Variants in RNF34 observed in about 807,000 individuals in gnomAD.
RNF34 encodes the protein ring finger protein 34, also known as E3 ubiquitin-protein ligase RNF34.
A neutral mutation model predicts 37.9 loss-of-function variants in RNF34; 12 were observed. The observed-to-expected ratio is 0.32, with a 90% confidence interval of 0.20 to 0.51. The LOEUF (loss-of-function observed/expected upper bound fraction) is 0.51. Ranked by LOEUF, RNF34 falls within the 20% of genes least tolerant of loss-of-function variation. The pLI is 0.97. For missense variants in RNF34, 362 were observed against 472.7 expected (o/e 0.77, Z 2.17); for synonymous variants, 155 against 177.2 (o/e 0.87, Z 1.00).
At chr12:121,418,098 T>A in intron 3 of RNF34, 187 bp downstream of exon 3, 1 of 648,480 alleles carries the variant, frequency 1.5e-6, no homozygotes, top group Non-Finnish European at 2.6e-6. Flanking sequence ...AGGTGCTAGG[T>A]GGCTCCAAAG....
At chr12:121,420,404 C>T (rs1872022352) in intron 4 of RNF34, 70 bp downstream of exon 4, 1 of 1,553,012 alleles carries the variant, frequency 6.4e-7, no homozygotes, top group Admixed American at 2.0e-5. Context: ...GCCCTGTGGA[C>T]ATTCGCTAGA....
intron 4 of RNF34, 35 bp from the exon 5 acceptor site, chr12:121,420,542 T>C (rs201673963): frequency 8.4e-5 from 135 of 1,608,230 alleles, no homozygotes; most frequent in Admixed American, 2.2e-4. Flanking sequence ...TCTGGACTTA[T>C]GGGACCAGGG....
chr12:121,416,250 C>A lies in RNF34; in HGVS notation c.98C>A (p.Ala33Glu). The change falls in exon 2 of 6, where the codon GCA becomes GAA. Residue 33 changes from alanine to glutamate, a missense_variant. Transcript: ENST00000361234. ...GTCAGGGGCCAGCAGTCAGCATTTG[C>A]AGGAGCCACCGGTCCATTCAGATTT... ...GAVRGQQSAF[A>E]GATGPFRFTP... The A allele has an allele frequency of 1.9e-6, 3 of 1,614,128 alleles. No individual in the cohort carries two copies. The highest frequency in any genetic ancestry group is 2.5e-6 in the Non-Finnish European group (3 of 1,180,004).
In RNF34 at chr12:121,416,163, G is replaced by C. The variant is rs1555282162; in HGVS notation, c.11G>C (p.Gly4Ala). The change falls in exon 2 of 6, where the codon GGT (glycine) becomes GCT (alanine). Residue 4 changes from glycine to alanine, a missense_variant. By Grantham distance (60) the Gly-to-Ala change is moderately conservative. Transcript: ENST00000361234. Reference sequence around the variant, plus strand: ...GGGATTTGTGTTCCTTTTTAGGCGGGTGCCACGTCTATGTGGGCTTCGTGC... The same window carrying C: ...GGGATTTGTGTTCCTTTTTAGGCGGCTGCCACGTCTATGTGGGCTTCGTGC... MKA[G>A]ATSMWASCCG... is the part of the protein sequence containing the mutation. 1 of 1,613,720 alleles carries C rather than the reference G, an allele frequency of 6.2e-7. No individual in the cohort carries two copies. Among genetic ancestry groups the C allele is most frequent in the Non-Finnish European group, 8.5e-7 (1 of 1,179,778 alleles).
Position 121,416,237 on chromosome 12 carries a change from C to G in RNF34, c.85C>G (p.Gln29Glu). The G allele has an allele frequency of 6.2e-7, 1 of 1,614,098 alleles. No homozygotes were observed. Among genetic ancestry groups the G allele is most frequent in the Non-Finnish European group, 8.5e-7 (1 of 1,180,012 alleles). ...GGGAACTGGAGCTGTCAGGGGCCAG[C>G]AGTCAGCATTTGCAGGAGCCACCGG... ...VMGTGAVRGQ[Q>E]SAFAGATGPF... is the part of the protein sequence containing the mutation. Residue 29 changes from glutamine to glutamate, a missense_variant, in exon 2 of 6, where the codon CAG (glutamine) becomes GAG (glutamate). By Grantham distance (29) the Gln-to-Glu change is conservative. Coordinates refer to ENST00000361234, the MANE Select transcript of RNF34 (RefSeq NM_025126.4).
chr12:121,421,489 T>TTG (rs1566236283), intron 5 of RNF34, among the ~76,000 whole-genome samples: 1 of 149,026 alleles, frequency 6.7e-6, no homozygotes, highest in African/African-American at 2.5e-5. Flanking sequence ...CAGGGAGCCG[T>TTG]GGTCATGCCA....
chr12:121,415,073 G>A (rs1555281939), intron 1 of RNF34, among the ~76,000 whole-genome samples: 2 of 146,546 alleles, frequency 1.4e-5, no homozygotes, highest in African/African-American at 4.9e-5. Context: ...TCCAGCCTGG[G>A]CAACAAGAGT....
rs906524366 is a variant in RNF34 at position 121,423,838 on chromosome 12, G to A, written c.*262G>A. 5 of 405,912 alleles carry A rather than the reference G, an allele frequency of 1.2e-5. No homozygotes were observed. The highest frequency in any genetic ancestry group is 4.4e-5 in the East Asian group (1 of 22,574). 25.1% of individuals were successfully genotyped at this position (405,912 alleles called of 1,614,324 possible). ...CGTGAACACTCATTGAAGTCAGCCTGTTTGCGCCATGTGGGCATCAGCCAC... is the reference window on the plus strand; with the variant it reads ...CGTGAACACTCATTGAAGTCAGCCTATTTGCGCCATGTGGGCATCAGCCAC... On this transcript the variant is annotated 3_prime_UTR_variant, in exon 6 of 6. Transcript: ENST00000361234. This position sits in a 1 kb window ranked among gnomAD's most constrained non-coding sequence, Gnocchi z 4.3.
In RNF34 at chr12:121,420,289, C is replaced by A. The variant is rs377017432; in HGVS notation, c.681C>A (p.Asp227Glu). The A allele has an allele frequency of 6.3e-7, 1 of 1,592,946 alleles. No individual in the cohort carries two copies. Among genetic ancestry groups the A allele is most frequent in the African/African-American group, 1.4e-5 (1 of 73,946 alleles). The part of the protein sequence containing the change: ...TSANTEDDDD[D>E]DDEDDDDEEE... ...CAAACACAGAAGATGATGATGACGA[C>A]GATGATGAGGATGATGATGATGAAG... is the stretch of plus-strand genomic sequence containing the variant. The change falls in exon 4 of 6, where the codon GAC becomes GAA. Residue 227 changes from aspartate (D) to glutamate (E), a missense_variant. By Grantham distance (45) the Asp-to-Glu change is conservative. Transcript: ENST00000361234.
At chr12:121,420,220 C>A (rs1424366533) in intron 3 of RNF34, 22 bp from the exon 4 acceptor site, 8 of 1,606,860 alleles carry the variant, frequency 5.0e-6, no homozygotes, top group South Asian at 1.1e-5. Flanking sequence ...CTGACCTAAT[C>A]AGATACGTTG....
chr12:121,403,768 A>G (rs1870230176), intron 1 of RNF34, among the ~76,000 whole-genome samples: 1 of 152,220 alleles, frequency 6.6e-6, no homozygotes, highest in African/African-American at 2.4e-5. Flanking sequence ...TCCTTAAAAT[A>G]ACTGTGTAAA....
Position 121,416,224 on chromosome 12 carries a change from T to G in RNF34, c.72T>G (p.Ala24=), listed in dbSNP as rs1406506328. The G allele has an allele frequency of 3.7e-6, 6 of 1,614,004 alleles. No homozygotes were observed. In the African/African-American group the frequency reaches 8.0e-5, roughly 22 times the overall value. The change falls in exon 2 of 6, where the codon GCT becomes GCG. Residue 24 remains alanine (A), a synonymous_variant. Coordinates refer to ENST00000361234, the MANE Select transcript of RNF34 (RefSeq NM_025126.4). ...GLLNEVMGTG[A]VRGQQSAFAG... The stretch of plus-strand genomic sequence containing the variant: ...TGAATGAAGTCATGGGAACTGGAGC[T>G]GTCAGGGGCCAGCAGTCAGCATTTG...
In RNF34 at chr12:121,420,316, A is replaced by G; in HGVS notation, c.708A>G (p.Glu236=). 6.4e-7 allele frequency: 1 copy of G among 1,574,206 alleles called. No homozygotes were observed. Among genetic ancestry groups the G allele is most frequent in the South Asian group, 1.2e-5 (1 of 86,514 alleles). ...ATGATGAGGATGATGATGATGAAGA[A>G]GAAAACGCAGAGGATCGGGTGAGGC... ...DDDDEDDDDE[E]ENAEDRNPGL... is the part of the protein sequence containing the mutation. Residue 236 remains glutamate, a synonymous_variant, in exon 4 of 6, where the codon GAA becomes GAG. Coordinates refer to ENST00000361234, the MANE Select transcript of RNF34 (RefSeq NM_025126.4).
At chr12:121,415,840 CTT>C (rs782608817) in intron 1 of RNF34, among the ~76,000 whole-genome samples, 17 of 108,062 alleles carry the variant, frequency 1.6e-4, no homozygotes, top group Admixed American at 3.1e-4. Flanking sequence ...TTTGTCCAGT[CTT>C]TTTTTTTTTT....
intron 5 of RNF34, among the ~76,000 whole-genome samples, chr12:121,421,443 C>CTTGGGA (rs200478156): frequency 0.038 from 5,533 of 146,208 alleles, 153 homozygotes; most frequent in Non-Finnish European, 0.058. Flanking sequence ...GTCCCAGCTA[C>CTTGGGA]TTGGGAGGCT....
intron 1 of RNF34, among the ~76,000 whole-genome samples, chr12:121,413,634 G>A (rs923132943): frequency 7.0e-6 from 1 of 143,348 alleles, no homozygotes; most frequent in African/African-American, 2.7e-5. Context: ...CTGGAGTGCA[G>A]TGGTGCTATC....
intron 1 of RNF34, among the ~76,000 whole-genome samples, chr12:121,411,104 T>C (rs1395814275): frequency 6.6e-6 from 1 of 152,192 alleles, no homozygotes; most frequent in Non-Finnish European, 1.5e-5. Flanking sequence ...TGGCTAATTT[T>C]ATTTTTTGTA....
chr12:121,421,632 G>C (rs1020064729), intron 5 of RNF34, among the ~76,000 whole-genome samples: 1 of 152,048 alleles, frequency 6.6e-6, no homozygotes, highest in African/African-American at 2.4e-5. Context: ...TCAAGCCACG[G>C]AACATTTATG....
At chr12:121,412,749 G>C (rs1555281509) in intron 1 of RNF34, among the ~76,000 whole-genome samples, 1 of 144,106 alleles carries the variant, frequency 6.9e-6, no homozygotes, top group Non-Finnish European at 1.5e-5. Context: ...TTTTGAGATG[G>C]AGTCTCGCTG....
Sources: gnomAD v4.1 joint callset for allele counts (sites outside exome capture counted in the v4.1 genomes callset) on GRCh38, gnomAD v4.1.1 for gene constraint, Gnocchi (gnomAD v3.1) non-coding constraint, MANE v1.5 for transcripts, NCBI Gene and HGNC (gene_info 2026-07-23, HGNC 2026-07-21) for gene names.